The following FRY variants were observed in gnomAD, a reference collection of about 807,000 sequenced individuals.
FRY encodes protein furry homolog.
A neutral mutation model predicts 348.4 loss-of-function variants in FRY; 128 were observed. The ratio of observed to expected loss-of-function variants is 0.37; its 90% CI spans 0.32 to 0.43. The LOEUF (loss-of-function observed/expected upper bound fraction) is 0.43, where lower values mean the gene tolerates loss of function less well. Ranked by LOEUF, FRY falls within the 20% of genes least tolerant of loss-of-function variation. The probability of loss-of-function intolerance (pLI) is 1.00; values close to 1 mark genes in which losing one functional copy is unlikely to be tolerated. For missense variants in FRY, 2,736 were observed against 3,695.2 expected (o/e 0.74, Z 6.73); for synonymous variants, 1,370 against 1,374.7 (o/e 1.00, Z 0.08).
intron 2 of FRY, among the ~76,000 whole-genome samples, chr13:32,080,949 C>G (rs934594926): frequency 2.6e-4 from 39 of 152,180 alleles, no homozygotes; most frequent in Non-Finnish European, 5.1e-4. Context: ...ACCTTTTCAA[C>G]CATCCATGTT....
chr13:32,212,620 G>A (rs1250228351), intron 35 of FRY, among the ~76,000 whole-genome samples: 1 of 152,112 alleles, frequency 6.6e-6, no homozygotes, highest in East Asian at 1.9e-4. Flanking sequence ...TGGTGGTGGT[G>A]GAATTTCGCA....
At chr13:32,289,811 C>T (rs1889243131) in intron 59 of FRY, 68 bp downstream of exon 59, 1 of 838,314 alleles carries the variant, frequency 1.2e-6, no homozygotes, top group African/African-American at 1.7e-5. Context: ...TTCCTCACTC[C>T]ACCCCTTTTA....
rs1281443470 is a variant in FRY, at chr13:32,249,532, A to G, written c.7015A>G (p.Ile2339Val). ...CGTTTGTCTTCTTCTCAAGACTCCAATCATCGGGAGGCGGTATGATGAGCT... is the reference window on the plus strand; with the variant it reads ...CGTTTGTCTTCTTCTCAAGACTCCAGTCATCGGGAGGCGGTATGATGAGCT... Reference protein sequence around the residue: ...DFHFDISETPIIGRRYDELQN... With the variant: ...DFHFDISETPVIGRRYDELQN... The change falls in exon 49 of 61, where the codon ATC (isoleucine) becomes GTC (valine). Residue 2339 changes from isoleucine to valine, a missense_variant. Coordinates refer to ENST00000542859, the MANE Select transcript of FRY (RefSeq NM_023037.3). The G allele has an allele frequency of 6.2e-7, 1 of 1,614,178 alleles. No individual in the cohort carries two copies. The highest frequency in any genetic ancestry group is 8.5e-7 in the Non-Finnish European group (1 of 1,180,036).
rs551694856 is a variant in FRY at position 32,274,509 on chromosome 13, C to T, written c.8137-333C>T. On this transcript the variant is annotated intron_variant, in intron 55 of 60. Coordinates refer to ENST00000542859, the MANE Select transcript of FRY (RefSeq NM_023037.3). Reference sequence around the variant, plus strand: ...GATCACAAGGTCAGATCGAGACCATCCTGGCTAACACAGTGAAACCCCGTC... The same window carrying T: ...GATCACAAGGTCAGATCGAGACCATTCTGGCTAACACAGTGAAACCCCGTC... Among the ~76,000 whole-genome samples, 264 of 151,818 alleles carry T rather than the reference C, an allele frequency of 1.7e-3. 1 individual carries two copies. Among genetic ancestry groups the T allele is most frequent in the Middle Eastern group, 6.8e-3 (2 of 294 alleles).
intron 4 of FRY, among the ~76,000 whole-genome samples, chr13:32,123,847 T>TTGTTG (rs1878844521): frequency 2.0e-5 from 3 of 147,914 alleles, no homozygotes; most frequent in Non-Finnish European, 4.5e-5. Context: ...TGTTGTTGTT[T>TTGTTG]TGAGATGGAG....
intron 2 of FRY, among the ~76,000 whole-genome samples, chr13:32,084,057 A>G (rs1212826814): frequency 6.6e-6 from 1 of 151,852 alleles, no homozygotes; most frequent in African/African-American, 2.4e-5. Context: ...GTTATATTTC[A>G]TTCAATATTT....
chr13:32,147,693 T>A lies in FRY; in HGVS notation c.1284-146T>A, dbSNP rs982426511. 5.8e-5 allele frequency: 41 copies of A among 707,560 alleles called. No individual in the cohort carries two copies. The East Asian group carries it at 5.8e-4, about 10-fold the overall frequency. 43.8% of individuals were successfully genotyped at this position (707,560 alleles called of 1,614,324 possible). On this transcript the variant is annotated intron_variant, in intron 12 of 60. Coordinates refer to ENST00000542859, the MANE Select transcript of FRY (RefSeq NM_023037.3). Reference sequence around the variant, plus strand: ...AGAAAAACTTTTCATAGAGTAATTATGCTAATGGAAAGAGGTGAGGTGGTT... The same window carrying A: ...AGAAAAACTTTTCATAGAGTAATTAAGCTAATGGAAAGAGGTGAGGTGGTT...
chr13:32,176,790 G>C (rs999511679), intron 20 of FRY, among the ~76,000 whole-genome samples: 1 of 152,362 alleles, frequency 6.6e-6, no homozygotes, highest in Non-Finnish European at 1.5e-5. Context: ...AACGGGGAGA[G>C]AGTAATGGGA....
intron 1 of FRY, among the ~76,000 whole-genome samples, chr13:32,036,788 T>C (rs1490978365): frequency 1.3e-5 from 2 of 151,342 alleles, no homozygotes; most frequent in Non-Finnish European, 2.9e-5. Flanking sequence ...AGAGATTTGC[T>C]CAAAGCCAGG....
chr13:32,265,378 C>T (rs758968222), intron 53 of FRY, 72 bp from the exon 54 acceptor site: 91 of 1,408,548 alleles, frequency 6.5e-5, no homozygotes, highest in Middle Eastern at 1.8e-4. Context: ...CTTATTTGTT[C>T]CTTAGTTGAA....
At chr13:32,085,800 T>C (rs780578778) in intron 2 of FRY, 1 of 503,112 alleles carries the variant, frequency 2.0e-6, no homozygotes, top group Non-Finnish European at 4.0e-6. Flanking sequence ...CTGTCTCCTG[T>C]TGCCATTTAT....
At position 32,237,336 on chromosome 13, in the gene FRY, C is replaced by T. The variant is rs372803249; in HGVS notation, c.5811-43C>T. 1,078 of 1,605,756 alleles carry T rather than the reference C, an allele frequency of 6.7e-4. 11 individuals carry two copies. In the South Asian group the frequency reaches 0.011, roughly 16 times the overall value. On this transcript the variant is annotated intron_variant, in intron 43 of 60. Transcript: ENST00000542859. This position sits in a 1 kb window ranked among gnomAD's most constrained non-coding sequence, Gnocchi z 6.3. ...ACTTGAAAGGACTGGCTTTTGGTGA[C>T]ACATGTTGGCATCCTATTAAACTTA... is the stretch of plus-strand genomic sequence containing the variant.
rs187728061 is a variant in FRY, at chr13:32,162,038, C to T, written c.1892+787C>T. Among the ~76,000 whole-genome samples, 6 of 151,926 alleles carry T rather than the reference C, an allele frequency of 3.9e-5. No individual in the cohort carries two copies. In the East Asian group the frequency reaches 1.2e-3, roughly 29 times the overall value. ...GTGGGATGTGTGGAATGAGGAAGAA[C>T]AAAAGTCATTGGTTTGGAGGGAAAA... On this transcript the variant is annotated intron_variant, in intron 17 of 60. Coordinates refer to ENST00000542859, the MANE Select transcript of FRY (RefSeq NM_023037.3).
intron 28 of FRY, among the ~76,000 whole-genome samples, chr13:32,188,123 T>C (rs770346137): frequency 6.6e-6 from 1 of 152,060 alleles, no homozygotes; most frequent in African/African-American, 2.4e-5. Flanking sequence ...CTTAAACACA[T>C]ATACAAGAGG....
chr13:32,174,130 G>A (rs1411855444), intron 19 of FRY, among the ~76,000 whole-genome samples: 4 of 152,206 alleles, frequency 2.6e-5, no homozygotes, highest in Non-Finnish European at 4.4e-5. Context: ...AGCTGGCATG[G>A]GTGGCCAAAC....
intron 22 of FRY, among the ~76,000 whole-genome samples, chr13:32,179,361 A>G (rs1256039565): frequency 1.3e-5 from 2 of 152,180 alleles, no homozygotes; most frequent in African/African-American, 4.8e-5. Context: ...TTCACCTTTA[A>G]ATCATGCCTT....
At chr13:32,283,007 G>C (rs148116580) in intron 58 of FRY, among the ~76,000 whole-genome samples, 2 of 152,162 alleles carry the variant, frequency 1.3e-5, no homozygotes, top group African/African-American at 4.8e-5. Context: ...CGGGCACAGT[G>C]GTGGGTGCCT....
chr13:32,228,495 T>G lies in FRY; in HGVS notation c.5246T>G (p.Val1749Gly), dbSNP rs770996200. The G allele has an allele frequency of 6.2e-7, 1 of 1,613,046 alleles. No homozygotes were observed. The highest frequency in any genetic ancestry group is 8.5e-7 in the Non-Finnish European group (1 of 1,179,828). ...DFLREDQSSP[V>G]PDSGLSSSST... ...CTGAGAGAGGACCAGTCATCCCCGG[T>G]GCCTGACTCAGGGCTTAGTTCAAGC... Residue 1749 changes from valine (V) to glycine (G), a missense_variant, in exon 40 of 61, where the codon GTG becomes GGG. Physicochemically the swap from Val to Gly is moderately radical, Grantham distance 109. Coordinates refer to ENST00000542859, the MANE Select transcript of FRY (RefSeq NM_023037.3).
chr13:32,081,155 A>G (rs1030383087), intron 2 of FRY, among the ~76,000 whole-genome samples: 1 of 152,156 alleles, frequency 6.6e-6, no homozygotes, highest in African/African-American at 2.4e-5. Flanking sequence ...GTTCCTCTCT[A>G]TGAAACAACT....
Sources: allele counts gnomAD v4.1 joint callset (sites outside exome capture counted in the v4.1 genomes callset), GRCh38; gene constraint gnomAD v4.1.1; non-coding constraint Gnocchi (gnomAD v3.1); transcripts MANE v1.5; gene names NCBI Gene and HGNC (gene_info 2026-07-23, HGNC 2026-07-21).